HS6ST3: variants seen among roughly 807,000 people sequenced by gnomAD.
HS6ST3 encodes heparan-sulfate 6-O-sulfotransferase 3.
A neutral mutation model predicts 36.7 loss-of-function variants in HS6ST3; 12 were observed. The observed-to-expected ratio is 0.33, with a 90% confidence interval of 0.21 to 0.53. HS6ST3 has a LOEUF of 0.53. Ranked by LOEUF, HS6ST3 falls within the 20% of genes least tolerant of loss-of-function variation. HS6ST3 has a pLI of 0.95. For missense variants in HS6ST3, 584 were observed against 640.9 expected (o/e 0.91, Z 0.96); for synonymous variants, 240 against 257.5 (o/e 0.93, Z 0.65).
intron 1 of HS6ST3, among the ~76,000 whole-genome samples, chr13:96,212,315 T>C (rs1410695420): frequency 6.6e-6 from 1 of 152,228 alleles, no homozygotes; most frequent in Non-Finnish European, 1.5e-5. Context: ...AAAATATCCA[T>C]GAAAGCCTAT....
intron 1 of HS6ST3, among the ~76,000 whole-genome samples, chr13:96,421,346 A>G (rs2139468298): frequency 1.3e-5 from 2 of 152,274 alleles, no homozygotes; most frequent in African/African-American, 4.8e-5. Flanking sequence ...AAATTTAGTT[A>G]TTGTCAATGC....
chr13:96,794,789 T>C (rs1206354499), intron 1 of HS6ST3, among the ~76,000 whole-genome samples: 1 of 152,070 alleles, frequency 6.6e-6, no homozygotes, highest in Non-Finnish European at 1.5e-5. Context: ...CTTGATTTGA[T>C]GTATAAGGTC....
chr13:96,746,880 T>C (rs1193947074), intron 1 of HS6ST3, among the ~76,000 whole-genome samples: 3 of 152,064 alleles, frequency 2.0e-5, no homozygotes, highest in Admixed American at 2.0e-4. Flanking sequence ...CTAGAGAACA[T>C]CACTTAAAGC....
intron 1 of HS6ST3, among the ~76,000 whole-genome samples, chr13:96,587,308 T>C (rs113635702): frequency 2.6e-5 from 4 of 152,238 alleles, no homozygotes; most frequent in African/African-American, 9.6e-5. Flanking sequence ...ACATAAATTT[T>C]AGGATTTTTT....
At chr13:96,777,788 A>G (rs773057743) in intron 1 of HS6ST3, among the ~76,000 whole-genome samples, 1 of 152,204 alleles carries the variant, frequency 6.6e-6, no homozygotes, top group African/African-American at 2.4e-5. Context: ...CCATCAAGTT[A>G]CCACTGACTT....
rs1566464818 is a variant in HS6ST3, at chr13:96,833,290, G to A, written c.*92G>A. ...CTTGGAGAAGCTGAGCCATTCTGAGGACATCTGGCTGTGTGTGCTTGATTT... is the reference window on the plus strand; with the variant it reads ...CTTGGAGAAGCTGAGCCATTCTGAGAACATCTGGCTGTGTGTGCTTGATTT... On this transcript the variant is annotated 3_prime_UTR_variant, in exon 2 of 2. Transcript: ENST00000376705. 2 of 964,650 alleles carry A rather than the reference G, an allele frequency of 2.1e-6. No individual in the cohort carries two copies. Among genetic ancestry groups the A allele is most frequent in the Non-Finnish European group, 1.5e-6 (1 of 669,018 alleles). 59.8% of individuals were successfully genotyped at this position (964,650 alleles called of 1,614,324 possible).
chr13:96,178,137 G>T (rs938578115), intron 1 of HS6ST3, among the ~76,000 whole-genome samples: 18 of 152,046 alleles, frequency 1.2e-4, no homozygotes, highest in African/African-American at 3.9e-4. Flanking sequence ...AGGTGGATAG[G>T]GTACAAGATT....
At chr13:96,546,328 G>A (rs1450024051) in intron 1 of HS6ST3, among the ~76,000 whole-genome samples, 2 of 149,196 alleles carry the variant, frequency 1.3e-5, no homozygotes, top group Admixed American at 6.6e-5. Flanking sequence ...GTGTGTGTGT[G>A]TGTTCACACT....
chr13:96,110,444 T>G (rs528763969), intron 1 of HS6ST3, among the ~76,000 whole-genome samples: 13 of 149,298 alleles, frequency 8.7e-5, no homozygotes, highest in East Asian at 3.9e-4. Context: ...GTGTGTGTGT[T>G]TTTTTTTTTT....
chr13:96,100,877 A>G (rs1236781304), intron 1 of HS6ST3, among the ~76,000 whole-genome samples: 2 of 152,186 alleles, frequency 1.3e-5, no homozygotes, highest in Non-Finnish European at 2.9e-5. Flanking sequence ...AATTCAGTTT[A>G]TGGATGCCCT....
chr13:96,446,454 GA>G (rs1379283769), intron 1 of HS6ST3, among the ~76,000 whole-genome samples: 1 of 152,130 alleles, frequency 6.6e-6, no homozygotes, highest in Non-Finnish European at 1.5e-5. Context: ...TATGTGCCAA[GA>G]CTGGTACAGG....
chr13:96,637,122 G>C (rs1055193075), intron 1 of HS6ST3, among the ~76,000 whole-genome samples: 2 of 152,068 alleles, frequency 1.3e-5, no homozygotes, highest in African/African-American at 4.8e-5. Context: ...AAATTTGCTG[G>C]TGCTTGATGA....
intron 1 of HS6ST3, among the ~76,000 whole-genome samples, chr13:96,296,648 T>C (rs902924576): frequency 2.0e-5 from 3 of 152,154 alleles, no homozygotes; most frequent in African/African-American, 7.2e-5. Context: ...AAGATGACTT[T>C]AAATGGATGA....
At chr13:96,479,417 C>A (rs1223019153) in intron 1 of HS6ST3, among the ~76,000 whole-genome samples, 1 of 152,046 alleles carries the variant, frequency 6.6e-6, no homozygotes, top group Non-Finnish European at 1.5e-5. Flanking sequence ...TCCATTTTTT[C>A]CTTGAAGCAA....
intron 1 of HS6ST3, among the ~76,000 whole-genome samples, chr13:96,790,070 A>G (rs562917773): frequency 4.6e-5 from 7 of 151,886 alleles, no homozygotes; most frequent in Non-Finnish European, 8.8e-5. Context: ...TTTTCCTGTG[A>G]GTCCACAAGG....
intron 1 of HS6ST3, among the ~76,000 whole-genome samples, chr13:96,812,638 A>G (rs996648168): frequency 1.6e-4 from 24 of 152,204 alleles, no homozygotes; most frequent in African/African-American, 5.5e-4. Flanking sequence ...GCTTGCTAGC[A>G]GTTACATTTT....
At chr13:96,124,244 G>A (rs533357808) in intron 1 of HS6ST3, among the ~76,000 whole-genome samples, 4 of 152,124 alleles carry the variant, frequency 2.6e-5, no homozygotes, top group Admixed American at 6.5e-5. Flanking sequence ...CAGGAATAGC[G>A]ATGCTAGGTG....
chr13:96,466,754 A>G (rs1008817320), intron 1 of HS6ST3, among the ~76,000 whole-genome samples: 3 of 119,300 alleles, frequency 2.5e-5, no homozygotes, highest in African/African-American at 8.4e-5. Flanking sequence ...GAAGTTGGAT[A>G]CCTTAAATAT....
At chr13:96,808,973 A>C (rs1310110700) in intron 1 of HS6ST3, among the ~76,000 whole-genome samples, 1 of 152,204 alleles carries the variant, frequency 6.6e-6, no homozygotes, top group Non-Finnish European at 1.5e-5. Flanking sequence ...AAGTGAAGAG[A>C]CAAGAAGTTT....
Sources: gnomAD v4.1 joint callset for allele counts (sites outside exome capture counted in the v4.1 genomes callset) on GRCh38, gnomAD v4.1.1 for gene constraint, MANE v1.5 for transcripts, NCBI Gene and HGNC (gene_info 2026-07-23, HGNC 2026-07-21) for gene names.